The following ASCC3 variants were observed in gnomAD, a reference collection of about 807,000 sequenced individuals.
ASCC3 encodes the protein ASC-1 complex subunit P200.
ASCC3 carries 158 observed loss-of-function variants against 256.3 expected under a neutral mutation model. That is an observed-to-expected ratio of 0.62 (90% CI 0.54 to 0.70). The LOEUF (loss-of-function observed/expected upper bound fraction) is 0.70. Among genes scored for constraint, ASCC3 ranks in the 30% least tolerant of loss-of-function variants. The pLI is 0.00. For missense variants in ASCC3, 2,259 were observed against 2,626.0 expected (o/e 0.86, Z 3.05); for synonymous variants, 948 against 883.4 (o/e 1.07, Z -1.30).
At position 100,650,613 on chromosome 6, in the gene ASCC3, G is replaced by A; in HGVS notation, c.3177C>T (p.Ile1059=). 2 of 1,612,796 alleles carry A rather than the reference G, an allele frequency of 1.2e-6. No individual in the cohort carries two copies. The highest frequency in any genetic ancestry group is 1.1e-5 in the South Asian group (1 of 91,052). ...CTCGGCTGATATAAGTTTGAAGTAA[G>A]ATGTTTATTTTCCCATAACTATTCT... The part of the protein sequence containing the change: ...GVENSYGKIN[I]LLQTYISRGE... Residue 1059 remains isoleucine, a synonymous_variant, in exon 20 of 42, where the codon ATC becomes ATT. Coordinates refer to ENST00000369162, the MANE Select transcript of ASCC3 (RefSeq NM_006828.4).
chr6:100,749,163 T>C (rs1435340816), intron 10 of ASCC3, among the ~76,000 whole-genome samples: 1 of 152,058 alleles, frequency 6.6e-6, no homozygotes, highest in African/African-American at 2.4e-5. Context: ...CGTCAAACAG[T>C]GTTCAATTTG....
At chr6:100,588,843 C>G (rs140537240) in intron 36 of ASCC3, among the ~76,000 whole-genome samples, 2 of 152,116 alleles carry the variant, frequency 1.3e-5, no homozygotes, top group East Asian at 3.9e-4. Context: ...ACCATAGAGT[C>G]AATGAATTTA....
At chr6:100,576,001 C>T (rs957345918) in intron 36 of ASCC3, among the ~76,000 whole-genome samples, 19 of 152,034 alleles carry the variant, frequency 1.2e-4, no homozygotes, top group African/African-American at 4.3e-4. Context: ...AAATTACTTT[C>T]AAAATGTCCT....
chr6:100,568,578 C>T (rs1770396827), intron 36 of ASCC3, among the ~76,000 whole-genome samples: 1 of 151,468 alleles, frequency 6.6e-6, no homozygotes, highest in Non-Finnish European at 1.5e-5. Flanking sequence ...GCTTAAGATC[C>T]TTATAGATTC....
rs1368194134 is a variant in ASCC3, at chr6:100,516,162, C to T, written c.6075+18G>A. 2.0e-5 allele frequency: 32 copies of T among 1,613,376 alleles called. No homozygotes were observed. The highest frequency in any genetic ancestry group is 2.6e-5 in the Non-Finnish European group (31 of 1,179,450). The stretch of plus-strand genomic sequence containing the variant: ...TCAGAGTAGGGGAGCCTTCAAAACA[C>T]TTAAGAGATGGTCTTACCTGTTTCG... On this transcript the variant is annotated intron_variant, in intron 39 of 41. Coordinates refer to ENST00000369162, the MANE Select transcript of ASCC3 (RefSeq NM_006828.4).
Position 100,864,150 on chromosome 6 carries a change from TTTA to T in ASCC3, c.152_154del (p.Ile51del), listed in dbSNP as rs752902256. 2 of 1,608,828 alleles carry T rather than the reference TTTA, an allele frequency of 1.2e-6. No homozygotes were observed. The highest frequency in any genetic ancestry group is 1.7e-6 in the Non-Finnish European group (2 of 1,176,846). ...CTTCTCCAGTTTTTCATTCAAAAAT[TTTA>T]TTATCTTCTTCCATGTCAGGCCCAA... On this transcript the variant is annotated inframe_deletion, in exon 3 of 42. Coordinates refer to ENST00000369162, the MANE Select transcript of ASCC3 (RefSeq NM_006828.4).
chr6:100,650,135 A>G (rs1319257623), intron 20 of ASCC3, among the ~76,000 whole-genome samples: 1 of 151,394 alleles, frequency 6.6e-6, no homozygotes, highest in Non-Finnish European at 1.5e-5. Flanking sequence ...TATTATTTCT[A>G]ATATTTGGTA....
chr6:100,585,199 C>T (rs1469874870), intron 36 of ASCC3, among the ~76,000 whole-genome samples: 15 of 152,134 alleles, frequency 9.9e-5, no homozygotes, highest in Admixed American at 2.6e-4. Flanking sequence ...CCATTCTCCC[C>T]GTCATTTTCA....
intron 26 of ASCC3, among the ~76,000 whole-genome samples, 185 bp downstream of exon 26, chr6:100,630,943 T>C (rs1314847568): frequency 6.6e-6 from 1 of 152,088 alleles, no homozygotes; most frequent in Non-Finnish European, 1.5e-5. Context: ...AATATTGATA[T>C]CATTTTAATA....
At chr6:100,562,490 G>A (rs1382777749) in intron 36 of ASCC3, among the ~76,000 whole-genome samples, 1 of 151,980 alleles carries the variant, frequency 6.6e-6, no homozygotes, top group Non-Finnish European at 1.5e-5. Context: ...CAGTTACTTA[G>A]TAAGTGATCT....
At chr6:100,511,597 T>C (rs945086573) in intron 40 of ASCC3, among the ~76,000 whole-genome samples, 2 of 151,942 alleles carry the variant, frequency 1.3e-5, no homozygotes, top group African/African-American at 4.8e-5. Context: ...TTGAGTGTAG[T>C]GGCACATGCC....
chr6:100,751,412 G>T (rs1182094669), intron 10 of ASCC3, among the ~76,000 whole-genome samples: 2 of 151,650 alleles, frequency 1.3e-5, no homozygotes, highest in Non-Finnish European at 2.9e-5. Flanking sequence ...GACAAATACG[G>T]TCATAAATAA....
In ASCC3 at chr6:100,544,374, C is replaced by A. The variant is rs147895568; in HGVS notation, c.5551-3987G>T. Among the ~76,000 whole-genome samples, 3 of 152,002 alleles carry A rather than the reference C, an allele frequency of 2.0e-5. No individual in the cohort carries two copies. The East Asian group carries it at 5.8e-4, about 29-fold the overall frequency. On this transcript the variant is annotated intron_variant, in intron 36 of 41. Transcript: ENST00000369162. ...AATACAATAGAGAAAACAAATGAGA[C>A]CAAAAGCCGGTTCTTTAAGAAGATC...
intron 10 of ASCC3, among the ~76,000 whole-genome samples, chr6:100,740,092 T>C (rs116815385): frequency 0.015 from 2,255 of 152,254 alleles, 54 homozygotes; most frequent in African/African-American, 0.051. Flanking sequence ...TCCCTCTTAA[T>C]ACTGCTTTCA....
intron 36 of ASCC3, among the ~76,000 whole-genome samples, chr6:100,549,018 T>A (rs1474928517): frequency 6.6e-6 from 1 of 151,918 alleles, no homozygotes; most frequent in Non-Finnish European, 1.5e-5. Flanking sequence ...AGGAATTTTG[T>A]GAATGTCCTC....
intron 8 of ASCC3, among the ~76,000 whole-genome samples, chr6:100,787,977 T>C (rs990960594): frequency 2.0e-5 from 3 of 151,846 alleles, no homozygotes; most frequent in African/African-American, 4.8e-5. Flanking sequence ...TTTTTGTTTA[T>C]AGAATGAACT....
At chr6:100,790,273 T>C (rs138324273) in intron 8 of ASCC3, among the ~76,000 whole-genome samples, 1 of 152,106 alleles carries the variant, frequency 6.6e-6, no homozygotes, top group African/African-American at 2.4e-5. Context: ...TTTAACTTGA[T>C]TCGTGTCACA....
intron 10 of ASCC3, among the ~76,000 whole-genome samples, chr6:100,754,308 T>G (rs1400803639): frequency 6.6e-6 from 1 of 152,162 alleles, no homozygotes; most frequent in Non-Finnish European, 1.5e-5. Flanking sequence ...CAATGCAACA[T>G]AAAACATTGA....
intron 4 of ASCC3, among the ~76,000 whole-genome samples, chr6:100,827,760 C>T (rs1286076365): frequency 2.0e-5 from 3 of 152,092 alleles, no homozygotes; most frequent in African/African-American, 7.2e-5. Flanking sequence ...TGTTTTCCAA[C>T]TCTAAAATTA....
Sources: allele counts gnomAD v4.1 joint callset (sites outside exome capture counted in the v4.1 genomes callset), GRCh38; gene constraint gnomAD v4.1.1; transcripts MANE v1.5; gene names NCBI Gene and HGNC (gene_info 2026-07-23, HGNC 2026-07-21).